PPP5C: variants seen among roughly 807,000 people sequenced by gnomAD.
PPP5C encodes serine/threonine-protein phosphatase 5.
Under a neutral mutation model 66.7 loss-of-function variants are expected in PPP5C, and 21 were observed. The ratio of observed to expected loss-of-function variants is 0.31; its 90% CI spans 0.22 to 0.45. PPP5C has a LOEUF of 0.45. PPP5C is among the 20% of genes least tolerant of loss of function. The pLI, the probability that PPP5C is intolerant of heterozygous loss-of-function variation, is 1.00. For synonymous variants in PPP5C, 246 were observed against 257.4 expected (o/e 0.96, Z 0.43); for missense variants, 464 against 675.9 (o/e 0.69, Z 3.48).
At chr19:46,349,572 G>T (rs1369491050) in intron 1 of PPP5C, among the ~76,000 whole-genome samples, 2 of 152,126 alleles carry the variant, frequency 1.3e-5, no homozygotes, top group African/African-American at 4.8e-5. Flanking sequence ...TAGAACCTTG[G>T]AAGTCAGATT....
intron 4 of PPP5C, among the ~76,000 whole-genome samples, chr19:46,380,843 G>C (rs985795705): frequency 2.0e-5 from 3 of 151,934 alleles, no homozygotes; most frequent in South Asian, 2.1e-4. Flanking sequence ...GTTGCCTTTG[G>C]GTTTTAGTAG....
intron 4 of PPP5C, among the ~76,000 whole-genome samples, chr19:46,379,854 T>TC (rs1555794290): frequency 6.6e-6 from 1 of 152,058 alleles, no homozygotes; most frequent in Non-Finnish European, 1.5e-5. Flanking sequence ...GTGCTCTCCT[T>TC]GGGAGAACTG....
At chr19:46,367,854 G>A (rs1972516527) in intron 2 of PPP5C, among the ~76,000 whole-genome samples, 1 of 152,184 alleles carries the variant, frequency 6.6e-6, no homozygotes, top group Non-Finnish European at 1.5e-5. Flanking sequence ...GTCAGAATAA[G>A]GGCTTATGGG....
intron 1 of PPP5C, among the ~76,000 whole-genome samples, chr19:46,353,528 T>G (rs1030011): frequency 1.6e-3 from 171 of 107,914 alleles, no homozygotes; most frequent in Admixed American, 2.6e-3. Context: ...GAGGGGTGGG[T>G]GGGCGGGTGT....
chr19:46,385,765 G>A (rs1029696222), intron 7 of PPP5C, among the ~76,000 whole-genome samples: 2 of 150,320 alleles, frequency 1.3e-5, no homozygotes, highest in African/African-American at 4.9e-5. Flanking sequence ...AGTCGATAGA[G>A]TGAGACTCAG....
intron 2 of PPP5C, among the ~76,000 whole-genome samples, chr19:46,361,222 C>T (rs560637557): frequency 2.7e-5 from 4 of 150,224 alleles, no homozygotes; most frequent in African/African-American, 7.3e-5. Context: ...CTCCACCTCC[C>T]GGATTCACCC....
chr19:46,360,204 T>C (rs1488194910), intron 2 of PPP5C, among the ~76,000 whole-genome samples: 1 of 152,220 alleles, frequency 6.6e-6, no homozygotes, highest in African/African-American at 2.4e-5. Context: ...CAGCATATAA[T>C]TTAACATAAT....
intron 12 of PPP5C, 45 bp downstream of exon 12, chr19:46,390,177 G>A (rs1568580539): frequency 6.2e-7 from 1 of 1,610,652 alleles, no homozygotes. Context: ...CCCGGCCTGG[G>A]GACAAGGAGG....
chr19:46,358,368 T>C (rs1972322970), intron 2 of PPP5C, among the ~76,000 whole-genome samples: 1 of 152,158 alleles, frequency 6.6e-6, no homozygotes, highest in Non-Finnish European at 1.5e-5. Flanking sequence ...TCTTGCCAAT[T>C]TCCAAAAGCA....
At chr19:46,362,941 C>A (rs1972417020) in intron 2 of PPP5C, among the ~76,000 whole-genome samples, 1 of 150,316 alleles carries the variant, frequency 6.7e-6, no homozygotes. Context: ...GCGCCCGCCA[C>A]CACACCCGGC....
intron 2 of PPP5C, among the ~76,000 whole-genome samples, chr19:46,372,662 G>A (rs370916992): frequency 4.6e-5 from 7 of 152,310 alleles, no homozygotes; most frequent in African/African-American, 1.4e-4. Flanking sequence ...CGAAGATAAT[G>A]CTTTTAGAAA....
intron 2 of PPP5C, among the ~76,000 whole-genome samples, chr19:46,370,215 A>G (rs1601428144): frequency 6.6e-6 from 1 of 152,216 alleles, no homozygotes; most frequent in Admixed American, 6.5e-5. Flanking sequence ...CTTTGTTGTA[A>G]TAACACTTAG....
intron 2 of PPP5C, among the ~76,000 whole-genome samples, chr19:46,357,500 T>C (rs1412183281): frequency 2.6e-5 from 4 of 152,244 alleles, no homozygotes; most frequent in Admixed American, 2.0e-4. Flanking sequence ...TTGAATTAAT[T>C]CTGACACTAT....
intron 2 of PPP5C, among the ~76,000 whole-genome samples, chr19:46,367,284 G>A (rs1371379824): frequency 6.6e-6 from 1 of 152,202 alleles, no homozygotes; most frequent in Non-Finnish European, 1.5e-5. Context: ...ATTACATCAG[G>A]TAGGAGAAAG....
At chr19:46,381,360 A>G (rs939391584) in intron 4 of PPP5C, among the ~76,000 whole-genome samples, 1 of 152,152 alleles carries the variant, frequency 6.6e-6, no homozygotes, top group African/African-American at 2.4e-5. Context: ...CTCTGTTACC[A>G]GTTCTTCATG....
rs569677137 is a variant in PPP5C at position 46,364,996 on chromosome 19, T to G, written c.364-10608T>G. ...TTTCCTATAATTTTATTTATTTATT[T>G]ATTTGAGATGGAGTCTTGCTCTGTC... On this transcript the variant is annotated intron_variant, in intron 2 of 12. Coordinates refer to ENST00000012443, the MANE Select transcript of PPP5C (RefSeq NM_006247.4). Among the ~76,000 whole-genome samples, 221 of 152,264 alleles carry G rather than the reference T, an allele frequency of 1.5e-3. 1 individual carries two copies. The highest frequency in any genetic ancestry group is 4.5e-3 in the African/African-American group (185 of 41,552).
At chr19:46,377,637 T>C (rs990865842) in intron 4 of PPP5C, among the ~76,000 whole-genome samples, 6 of 152,240 alleles carry the variant, frequency 3.9e-5, no homozygotes, top group African/African-American at 1.2e-4. Context: ...AAAGCTCCCT[T>C]TGACCCCTTT....
rs777439537 is a variant in PPP5C at position 46,388,615 on chromosome 19, C to T, written c.1239C>T (p.Ala413=). The T allele has an allele frequency of 1.2e-6, 2 of 1,614,142 alleles. No homozygotes were observed. The highest frequency in any genetic ancestry group is 1.1e-5 in the South Asian group (1 of 91,078). The stretch of plus-strand genomic sequence containing the variant: ...AGTTTGGGCCTGACGTCACCAAGGC[C>T]TTCTTGGAAGAGAACAACCTGGACT... ...SCQFGPDVTK[A]FLEENNLDYI... The change falls in exon 11 of 13, where the codon GCC becomes GCT. Residue 413 remains alanine (A), a synonymous_variant. Coordinates refer to ENST00000012443, the MANE Select transcript of PPP5C (RefSeq NM_006247.4). This position sits in a 1 kb window ranked among gnomAD's most constrained non-coding sequence, Gnocchi z 4.9.
intron 4 of PPP5C, chr19:46,382,022 T>C (rs1194639145): frequency 6.6e-6 from 1 of 151,806 alleles, no homozygotes; most frequent in Admixed American, 6.5e-5. Flanking sequence ...GCCGCCAGAC[T>C]GTGGGGCCAC....
Sources: allele counts gnomAD v4.1 joint callset (sites outside exome capture counted in the v4.1 genomes callset), GRCh38; gene constraint gnomAD v4.1.1; non-coding constraint Gnocchi (gnomAD v3.1); transcripts MANE v1.5; gene names NCBI Gene and HGNC (gene_info 2026-07-23, HGNC 2026-07-21).